DNAL1: variants seen among roughly 807,000 people sequenced by gnomAD.
The protein encoded by DNAL1 is chromosome 14 open reading frame 168.
In DNAL1, 17 loss-of-function variants were observed where a neutral mutation model predicts 29.4. The observed-to-expected ratio is 0.58, with a 90% CI of 0.40 to 0.87. The LOEUF is 0.87. Among genes scored for constraint, DNAL1 ranks in the 40% least tolerant of loss-of-function variants. The probability of loss-of-function intolerance (pLI) is 0.00; values close to 1 mark genes in which losing one functional copy is unlikely to be tolerated. For missense variants in DNAL1, 188 were observed against 214.1 expected (o/e 0.88, Z 0.76); for synonymous variants, 78 against 76.3 (o/e 1.02, Z -0.12).
chr14:73,702,979 G>T lies in DNAL1; in HGVS notation c.*7037G>T, dbSNP rs1381494383. 6.6e-6 allele frequency: 1 copy of T among 152,022 alleles called. No homozygotes were observed. Among genetic ancestry groups the T allele is most frequent in the Non-Finnish European group, 1.5e-5 (1 of 68,040 alleles). 9.4% of individuals were successfully genotyped at this position (152,022 alleles called of 1,614,324 possible). On this transcript the variant is annotated 3_prime_UTR_variant, in exon 8 of 8. Coordinates refer to ENST00000553645, the MANE Select transcript of DNAL1 (RefSeq NM_031427.4). The stretch of plus-strand genomic sequence containing the variant: ...AAAAAAGAAAAAAAAAATTAGTTGG[G>T]CATGGCAATGCCGCCTGTGGTCCTA...
chr14:73,692,836 G>A (rs975672460), intron 7 of DNAL1, among the ~76,000 whole-genome samples: 8 of 151,144 alleles, frequency 5.3e-5, no homozygotes, highest in Admixed American at 5.3e-4. Context: ...CAAAACTGAG[G>A]GATCTTTTTT....
chr14:73,654,840 T>C lies in DNAL1; in HGVS notation c.4-7T>C. On this transcript the variant is annotated splice_polypyrimidine_tract_variant and splice_region_variant and intron_variant, in intron 1 of 7. Coordinates refer to ENST00000553645, the MANE Select transcript of DNAL1 (RefSeq NM_031427.4). ...TTTTCTTTTCTTTCTTTTTTTTTTT[T>C]TTAAAGGCGAAAGCAACAACAATCA... is the stretch of plus-strand genomic sequence containing the variant. The C allele has an allele frequency of 6.6e-7, 1 of 1,516,176 alleles. No individual in the cohort carries two copies. The highest frequency in any genetic ancestry group is 8.8e-7 in the Non-Finnish European group (1 of 1,138,314). The allele number at this position is 1,516,176 out of a possible 1,614,324, so 93.9% of individuals were successfully genotyped here.
intron 4 of DNAL1, among the ~76,000 whole-genome samples, chr14:73,663,190 T>C (rs952664967): frequency 5.3e-5 from 8 of 150,946 alleles, no homozygotes; most frequent in Non-Finnish European, 8.8e-5. Flanking sequence ...TTATATAGCA[T>C]AGGTCCCAGT....
chr14:73,695,440 GAGA>G (rs1284657200), intron 7 of DNAL1, among the ~76,000 whole-genome samples: 3 of 152,094 alleles, frequency 2.0e-5, no homozygotes, highest in Non-Finnish European at 4.4e-5. Context: ...GAATTCCCCT[GAGA>G]AGCTTTTCAG....
Position 73,689,443 on chromosome 14 carries a change from G to A in DNAL1, c.460G>A (p.Glu154Lys), listed in dbSNP as rs1302536816. 4.5e-6 allele frequency: 7 copies of A among 1,563,784 alleles called. No homozygotes were observed. Among genetic ancestry groups the A allele is most frequent in the Middle Eastern group, 1.7e-4 (1 of 6,034 alleles). ...GGTGTTTGTAGGCAATCCCTTGGAA[G>A]AGAAACATTCTGCTGAGAATAACTG... is the stretch of plus-strand genomic sequence containing the variant. ...DLVFVGNPLE[E>K]KHSAENNWIE... The change falls in exon 7 of 8, where the codon GAG (glutamate) becomes AAG (lysine). Residue 154 changes from glutamate (E) to lysine (K), a missense_variant. By Grantham distance (56) the Glu-to-Lys change is moderately conservative (BLOSUM62 1). Coordinates refer to ENST00000553645, the MANE Select transcript of DNAL1 (RefSeq NM_031427.4).
At chr14:73,678,824 G>A (rs1891806979) in intron 5 of DNAL1, among the ~76,000 whole-genome samples, 1 of 152,110 alleles carries the variant, frequency 6.6e-6, no homozygotes, top group Non-Finnish European at 1.5e-5. Flanking sequence ...AAACAATGAG[G>A]TGGAACTTCC....
chr14:73,661,141 G>A (rs546004382), intron 3 of DNAL1, among the ~76,000 whole-genome samples: 1 of 151,728 alleles, frequency 6.6e-6, no homozygotes, highest in African/African-American at 2.4e-5. Flanking sequence ...TCCAGCCTGG[G>A]CCACAGAGCG....
Position 73,689,268 on chromosome 14 carries a change from G to A in DNAL1, c.392-107G>A, listed in dbSNP as rs1002128132. 4.0e-5 allele frequency: 53 copies of A among 1,319,158 alleles called. 1 individual carries two copies. The highest frequency in any genetic ancestry group is 4.9e-5 in the Non-Finnish European group (47 of 959,860). The allele number at this position is 1,319,158 out of a possible 1,614,324, so 81.7% of individuals were successfully genotyped here. The stretch of plus-strand genomic sequence containing the variant: ...AGGATGGTCTCGATCTCCTGATGTC[G>A]TGATCCGCCCGCCTTGTCCCCCCAA... On this transcript the variant is annotated intron_variant, in intron 6 of 7. Transcript: ENST00000553645.
At chr14:73,648,016 C>T (rs929735517) in intron 1 of DNAL1, among the ~76,000 whole-genome samples, 10 of 152,102 alleles carry the variant, frequency 6.6e-5, no homozygotes, top group Admixed American at 4.6e-4. Flanking sequence ...CTCGTTCTGT[C>T]GCCCAAGCTG....
chr14:73,667,781 C>T (rs1347539008), intron 4 of DNAL1, among the ~76,000 whole-genome samples: 2 of 152,156 alleles, frequency 1.3e-5, no homozygotes, highest in African/African-American at 2.4e-5. Context: ...GGATTATAGG[C>T]GTGAGTGAGC....
intron 3 of DNAL1, chr14:73,659,681 T>A (rs1595205587): frequency 6.6e-6 from 1 of 152,320 alleles, no homozygotes; most frequent in Middle Eastern, 3.4e-3. Flanking sequence ...ATGACATTTA[T>A]GAAATCTACT....
intron 5 of DNAL1, among the ~76,000 whole-genome samples, chr14:73,678,691 T>C (rs1047459071): frequency 6.6e-6 from 1 of 152,112 alleles, no homozygotes; most frequent in African/African-American, 2.4e-5. Flanking sequence ...TTTTCATACA[T>C]GGACAAAGAT....
At chr14:73,690,133 A>G (rs1300003405) in intron 7 of DNAL1, among the ~76,000 whole-genome samples, 1 of 152,018 alleles carries the variant, frequency 6.6e-6, no homozygotes, top group Non-Finnish European at 1.5e-5. Flanking sequence ...CTATTCAATG[A>G]GGCAAGAAGA....
At chr14:73,684,519 A>G (rs542904236) in intron 5 of DNAL1, among the ~76,000 whole-genome samples, 1 of 152,258 alleles carries the variant, frequency 6.6e-6, no homozygotes, top group South Asian at 2.1e-4. Flanking sequence ...CCCCACAACA[A>G]TTTTCAAGCA....
chr14:73,660,618 A>G (rs1459226514), intron 3 of DNAL1, among the ~76,000 whole-genome samples: 1 of 152,182 alleles, frequency 6.6e-6, no homozygotes, highest in Middle Eastern at 3.2e-3. Flanking sequence ...CATGCATTAG[A>G]CTAATATCCA....
At chr14:73,666,350 T>TATCATATGA (rs1226711423) in intron 4 of DNAL1, among the ~76,000 whole-genome samples, 1 of 152,218 alleles carries the variant, frequency 6.6e-6, no homozygotes, top group South Asian at 2.1e-4. Context: ...TAAAAAGCTG[T>TATCATATGA]ATAATATGAA....
At chr14:73,689,721 C>G (rs1187236134) in intron 7 of DNAL1, among the ~76,000 whole-genome samples, 2 of 152,118 alleles carry the variant, frequency 1.3e-5, no homozygotes, top group African/African-American at 4.8e-5. Context: ...AAGATTCTCC[C>G]TAGACCAAAA....
chr14:73,662,807 CT>C (rs61249050), intron 4 of DNAL1, among the ~76,000 whole-genome samples: 2,774 of 135,262 alleles, frequency 0.021, 51 homozygotes, highest in African/African-American at 0.067. Flanking sequence ...CTGCAAAGTA[CT>C]TTTTTTTTTT....
chr14:73,660,966 C>T (rs1409069712), intron 3 of DNAL1, among the ~76,000 whole-genome samples: 1 of 152,170 alleles, frequency 6.6e-6, no homozygotes, highest in Non-Finnish European at 1.5e-5. Context: ...CCATTATTCA[C>T]TGGGAGTTCT....
Sources: gnomAD v4.1 joint callset for allele counts (sites outside exome capture counted in the v4.1 genomes callset) on GRCh38, gnomAD v4.1.1 for gene constraint, MANE v1.5 for transcripts, NCBI Gene and HGNC (gene_info 2026-07-23, HGNC 2026-07-21) for gene names.